Variants in PTPRO observed in about 807,000 individuals in gnomAD.
The protein encoded by PTPRO is receptor-type tyrosine-protein phosphatase O.
Under a neutral mutation model 145.2 loss-of-function variants are expected in PTPRO, and 62 were observed. That is an observed-to-expected ratio of 0.43 (90% CI 0.35 to 0.53). PTPRO has a LOEUF of 0.53. PTPRO is among the 20% of genes least tolerant of loss of function. The probability of loss-of-function intolerance (pLI) is 0.01; values close to 1 mark genes in which losing one functional copy is unlikely to be tolerated. For missense variants in PTPRO, 1,345 were observed against 1,482.7 expected, an observed-to-expected ratio of 0.91 and a Z score of 1.53; for synonymous variants, 565 against 514.7, an observed-to-expected ratio of 1.10 and a Z score of -1.32.
At chr12:15,411,869 G>A (rs891643403) in intron 1 of PTPRO, among the ~76,000 whole-genome samples, 1 of 152,150 alleles carries the variant, frequency 6.6e-6, no homozygotes, top group African/African-American at 2.4e-5. Flanking sequence ...TCACAGTGAT[G>A]GCAAAATAAG....
intron 1 of PTPRO, among the ~76,000 whole-genome samples, chr12:15,462,733 T>G (rs1331550085): frequency 6.6e-6 from 1 of 152,188 alleles, no homozygotes; most frequent in African/African-American, 2.4e-5. Context: ...ACTCAAGACA[T>G]GTAGAGAAAT....
chr12:15,346,121 T>C (rs1333004396), intron 1 of PTPRO, among the ~76,000 whole-genome samples: 2 of 152,210 alleles, frequency 1.3e-5, no homozygotes, highest in African/African-American at 4.8e-5. Context: ...TCTTGACTTT[T>C]AGACTTTACT....
intron 1 of PTPRO, among the ~76,000 whole-genome samples, chr12:15,333,746 T>C (rs1866677665): frequency 6.6e-6 from 1 of 152,154 alleles, no homozygotes; most frequent in South Asian, 2.1e-4. Flanking sequence ...AGAGGTTTTA[T>C]TACCACAGGT....
At chr12:15,571,772 G>A (rs1359458549) in intron 19 of PTPRO, among the ~76,000 whole-genome samples, 1 of 152,166 alleles carries the variant, frequency 6.6e-6, no homozygotes, top group Admixed American at 6.5e-5. Flanking sequence ...AGCCAGAGAG[G>A]GCAGATGCAC....
At chr12:15,565,947 TTAAC>T in intron 18 of PTPRO, among the ~76,000 whole-genome samples, 1 of 152,300 alleles carries the variant, frequency 6.6e-6, no homozygotes, top group Middle Eastern at 3.4e-3. Context: ...AATCTAATAT[TTAAC>T]TACATCAAAG....
rs143837437 is a variant in PTPRO, at chr12:15,341,352, T to C, written c.75+18551T>C. 1.3e-4 allele frequency among the ~76,000 whole-genome samples: 20 copies of C among 152,336 alleles called. No homozygotes were observed. In the East Asian group the frequency reaches 3.7e-3, roughly 28 times the overall value. ...GAATATGCCTATTGTCTCTTTAGTA[T>C]ATATCCCACAGAGAAAGTTATTAGT... On this transcript the variant is annotated intron_variant, in intron 1 of 26. Transcript: ENST00000281171.
chr12:15,354,808 G>C (rs958071858), intron 1 of PTPRO, among the ~76,000 whole-genome samples: 3 of 152,120 alleles, frequency 2.0e-5, no homozygotes, highest in Non-Finnish European at 4.4e-5. Flanking sequence ...ACAAGGCTTA[G>C]GGCTATGAAA....
chr12:15,493,476 A>G (rs1942040402), intron 2 of PTPRO, among the ~76,000 whole-genome samples: 1 of 152,078 alleles, frequency 6.6e-6, no homozygotes, highest in Non-Finnish European at 1.5e-5. Context: ...AGAAGATGGA[A>G]AAAGAACCCC....
chr12:15,350,886 T>A (rs998624278), intron 1 of PTPRO, among the ~76,000 whole-genome samples: 10 of 152,238 alleles, frequency 6.6e-5, no homozygotes, highest in Non-Finnish European at 1.2e-4. Context: ...CTGCAAGGCT[T>A]GGCATTCTTT....
intron 1 of PTPRO, among the ~76,000 whole-genome samples, chr12:15,461,285 C>T (rs1591831842): frequency 1.3e-5 from 2 of 152,124 alleles, no homozygotes; most frequent in South Asian, 4.1e-4. Flanking sequence ...GAAGCACAAG[C>T]TCCAAGTTGC....
intron 1 of PTPRO, among the ~76,000 whole-genome samples, chr12:15,462,596 T>C (rs577241719): frequency 1.3e-5 from 2 of 152,346 alleles, no homozygotes; most frequent in East Asian, 3.9e-4. Flanking sequence ...CATGTTCTTG[T>C]AGATAATACC....
intron 1 of PTPRO, among the ~76,000 whole-genome samples, chr12:15,448,399 T>C (rs903848589): frequency 2.6e-5 from 2 of 77,544 alleles, no homozygotes; most frequent in Non-Finnish European, 5.4e-5. Flanking sequence ...GAACAGAAAA[T>C]AGCATCATCT....
intron 7 of PTPRO, among the ~76,000 whole-genome samples, chr12:15,515,206 T>A (rs183672486): frequency 2.6e-5 from 4 of 152,322 alleles, no homozygotes; most frequent in African/African-American, 7.2e-5. Flanking sequence ...GCTGATTTGA[T>A]TATGGTTAGA....
chr12:15,538,147 C>T (rs1943102960), intron 12 of PTPRO, among the ~76,000 whole-genome samples: 1 of 152,100 alleles, frequency 6.6e-6, no homozygotes, highest in African/African-American at 2.4e-5. Flanking sequence ...TAACCAATCC[C>T]TCGCCTCAAT....
At chr12:15,524,677 C>T (rs562992188) in intron 10 of PTPRO, 137 bp from the exon 11 acceptor site, 4 of 897,174 alleles carry the variant, frequency 4.5e-6, no homozygotes, top group African/African-American at 3.3e-5. Context: ...ATTGAGAGGT[C>T]CTGAAGTTAC....
At chr12:15,486,813 A>C (rs373613493) in intron 2 of PTPRO, among the ~76,000 whole-genome samples, 2 of 151,326 alleles carry the variant, frequency 1.3e-5, no homozygotes, top group African/African-American at 4.8e-5. Context: ...TTTAGACAAT[A>C]TATATGTAAT....
chr12:15,562,842 G>T (rs978480301), intron 17 of PTPRO, among the ~76,000 whole-genome samples: 1 of 151,600 alleles, frequency 6.6e-6, no homozygotes, highest in Non-Finnish European at 1.5e-5. Flanking sequence ...GCAAGAAGTG[G>T]CATTTAGTTG....
At chr12:15,553,329 G>A (rs957839384) in intron 15 of PTPRO, among the ~76,000 whole-genome samples, 1 of 152,176 alleles carries the variant, frequency 6.6e-6, no homozygotes, top group South Asian at 2.1e-4. Flanking sequence ...AGGAAACAAG[G>A]TCAGGTAAGG....
At chr12:15,379,155 A>G (rs1294339672) in intron 1 of PTPRO, among the ~76,000 whole-genome samples, 2 of 152,026 alleles carry the variant, frequency 1.3e-5, no homozygotes, top group Non-Finnish European at 2.9e-5. Flanking sequence ...AAATCATATG[A>G]CCCACACAAA....
Sources: gnomAD v4.1 joint callset for allele counts (sites outside exome capture counted in the v4.1 genomes callset) on GRCh38, gnomAD v4.1.1 for gene constraint, MANE v1.5 for transcripts, NCBI Gene and HGNC (gene_info 2026-07-23, HGNC 2026-07-21) for gene names.